The following GIGYF2 variants were observed in gnomAD, a reference collection of about 807,000 sequenced individuals.
The protein encoded by GIGYF2 is GRB10-interacting GYF protein 2.
A neutral mutation model predicts 208.1 loss-of-function variants in GIGYF2; 25 were observed. The ratio of observed to expected loss-of-function variants is 0.12; its 90% CI spans 0.09 to 0.17. The LOEUF (loss-of-function observed/expected upper bound fraction) is 0.17. GIGYF2 is among the 10% of genes least tolerant of loss of function. The pLI, the probability that GIGYF2 is intolerant of heterozygous loss-of-function variation, is 1.00. For missense variants in GIGYF2, 1,302 were observed against 1,579.4 expected (o/e 0.82, Z 2.98); for synonymous variants, 534 against 543.8 (o/e 0.98, Z 0.25).
At chr2:232,765,628 C>T (rs1320406001) in intron 8 of GIGYF2, 1 of 147,994 alleles carries the variant, frequency 6.8e-6, no homozygotes, top group Non-Finnish European at 1.5e-5. Context: ...AGTTCTGGTG[C>T]CCATCTTATG....
chr2:232,796,250 T>C (rs778511153), intron 14 of GIGYF2, 29 bp downstream of exon 14: 22 of 1,388,062 alleles, frequency 1.6e-5, no homozygotes, highest in South Asian at 1.0e-4. Flanking sequence ...CTTTAAATAC[T>C]GAAGTGTGTG....
intron 8 of GIGYF2, among the ~76,000 whole-genome samples, chr2:232,779,306 G>T (rs924030391): frequency 6.6e-6 from 1 of 152,090 alleles, no homozygotes; most frequent in African/African-American, 2.4e-5. Flanking sequence ...ATTAAACAAG[G>T]TACCAAGACC....
chr2:232,816,344 T>G (rs1700910698), intron 19 of GIGYF2, among the ~76,000 whole-genome samples: 1 of 152,228 alleles, frequency 6.6e-6, no homozygotes, highest in Non-Finnish European at 1.5e-5. Flanking sequence ...AATGCATTCT[T>G]ATCCCCTGAG....
chr2:232,857,751 T>C lies in GIGYF2; in HGVS notation c.*891T>C, dbSNP rs371554945. 3.9e-5 allele frequency: 6 copies of C among 152,648 alleles called. No homozygotes were observed. The highest frequency in any genetic ancestry group is 1.9e-4 in the East Asian group (1 of 5,200). The allele number at this position is 152,648 out of a possible 1,614,324, so 9.5% of individuals were successfully genotyped here. ...TGTCTCGTTTAAGAGGCAGCTAGAA[T>C]CTTTACCATATGTATGAATTTGTAT... On this transcript the variant is annotated 3_prime_UTR_variant, in exon 29 of 29. Transcript: ENST00000373563.
chr2:232,816,943 C>T lies in GIGYF2; in HGVS notation c.2281C>T (p.Leu761Phe). ...GGAAGAGCGAAAGAGGCAGGAAGAA[C>T]TCCGAAGACAACAGGAGGAAATTCT... ...EEEERKRQEE[L>F]RRQQEEILRR... is the part of the protein sequence containing the mutation. Residue 761 changes from leucine to phenylalanine, a missense_variant, in exon 20 of 29, where the codon CTC (leucine) becomes TTC (phenylalanine). Around this residue, in one of 8 missense-constraint regions of GIGYF2, gnomAD observed 701 missense variants for 793.0 expected, o/e 0.88. Transcript: ENST00000373563. The T allele has an allele frequency of 6.2e-7, 1 of 1,611,822 alleles. No individual in the cohort carries two copies. The highest frequency in any genetic ancestry group is 8.5e-7 in the Non-Finnish European group (1 of 1,178,036).
chr2:232,777,174 T>C (rs1222801066), intron 8 of GIGYF2, among the ~76,000 whole-genome samples: 1 of 152,186 alleles, frequency 6.6e-6, no homozygotes, highest in Admixed American at 6.5e-5. Flanking sequence ...AATTGTTCTG[T>C]ACCTGATACT....
intron 3 of GIGYF2, 29 bp downstream of exon 3, chr2:232,735,267 A>G (rs758636895): frequency 1.0e-5 from 15 of 1,501,996 alleles, no homozygotes; most frequent in African/African-American, 1.4e-5. Flanking sequence ...ATCTTCTTTG[A>G]TATTGGATGA....
chr2:232,704,558 C>T (rs1044979878), intron 2 of GIGYF2, among the ~76,000 whole-genome samples: 1 of 152,026 alleles, frequency 6.6e-6, no homozygotes, highest in Non-Finnish European at 1.5e-5. Context: ...GTATTCGCCA[C>T]CACACCCAGC....
chr2:232,741,170 C>T (rs1270539947), intron 3 of GIGYF2, among the ~76,000 whole-genome samples: 8 of 152,266 alleles, frequency 5.3e-5, no homozygotes, highest in Admixed American at 3.9e-4. Flanking sequence ...AAACTGATCT[C>T]GTTAGTTTTG....
intron 8 of GIGYF2, chr2:232,776,534 C>G (rs12997534): frequency 1.0e-6 from 1 of 967,464 alleles, no homozygotes; most frequent in Non-Finnish European, 1.6e-6. Context: ...TTTTAATCTA[C>G]AAGTCTAGTT....
At chr2:232,729,574 A>G in intron 2 of GIGYF2, 1 of 1,406,578 alleles carries the variant, frequency 7.1e-7, no homozygotes, top group South Asian at 1.2e-5. Context: ...AGTCTTCAAA[A>G]GCAGTGATCT....
chr2:232,836,338 ATACTTATATATT>A (rs1701626639), intron 22 of GIGYF2, among the ~76,000 whole-genome samples: 3 of 54,300 alleles, frequency 5.5e-5, no homozygotes, highest in African/African-American at 7.0e-5. Context: ...ATACATATAT[ATACTTATATATT>A]TATATATATA....
At position 232,839,864 on chromosome 2, in the gene GIGYF2, A is replaced by G. The variant is rs772219304; in HGVS notation, c.2782A>G (p.Thr928Ala). ...TTTTTGTTAGCTTCCTTCTTCTTCA[A>G]CGTGGGGCCAGCAGTCCAATACAAC... ...LAQMKLPSSS[T>A]WGQQSNTTAC... The change falls in exon 23 of 29, where the codon ACG (threonine) becomes GCG (alanine). Residue 928 changes from threonine to alanine, a missense_variant. Physicochemically the swap from Thr to Ala is moderately conservative, Grantham distance 58 (BLOSUM62 0). Around this residue, in one of 8 missense-constraint regions of GIGYF2, gnomAD observed 701 missense variants for 793.0 expected, o/e 0.88. Transcript: ENST00000373563. The G allele has an allele frequency of 9.3e-6, 15 of 1,613,968 alleles. No individual in the cohort carries two copies. Among genetic ancestry groups the G allele is most frequent in the Middle Eastern group, 1.6e-4 (1 of 6,084 alleles).
intron 5 of GIGYF2, among the ~76,000 whole-genome samples, chr2:232,750,791 C>G (rs962066002): frequency 6.8e-6 from 1 of 147,660 alleles, no homozygotes; most frequent in African/African-American, 2.5e-5. Flanking sequence ...TTTTTGTTTA[C>G]TTATTTAGAT....
chr2:232,772,013 C>CT (rs1414230659), intron 8 of GIGYF2, among the ~76,000 whole-genome samples: 3 of 152,144 alleles, frequency 2.0e-5, no homozygotes, highest in Non-Finnish European at 2.9e-5. Context: ...GAGACAGGGT[C>CT]TTGCTCTGTC....
intron 19 of GIGYF2, 166 bp downstream of exon 19, chr2:232,815,903 CAAAA>C: frequency 2.0e-6 from 1 of 494,080 alleles, no homozygotes; most frequent in Non-Finnish European, 3.6e-6. Flanking sequence ...TCTCTTCTCC[CAAAA>C]AAAAAAAACT....
chr2:232,761,474 TA>T, intron 8 of GIGYF2, 38 bp downstream of exon 8: 1 of 1,305,106 alleles, frequency 7.7e-7, no homozygotes, highest in Non-Finnish European at 1.1e-6. Context: ...ATAAATTTAT[TA>T]AAAATTGACT....
intron 8 of GIGYF2, among the ~76,000 whole-genome samples, chr2:232,783,915 T>C (rs887003963): frequency 6.6e-6 from 1 of 152,202 alleles, no homozygotes; most frequent in African/African-American, 2.4e-5. Flanking sequence ...CTCGAACTTC[T>C]GACCTCAGGT....
chr2:232,825,541 TGTGTCAGCA>T (rs1262125051), intron 21 of GIGYF2, among the ~76,000 whole-genome samples: 1 of 152,184 alleles, frequency 6.6e-6, no homozygotes, highest in Non-Finnish European at 1.5e-5. Context: ...AAAGTTTGAA[TGTGTCAGCA>T]GTTGCTTCTT....
Sources: allele counts gnomAD v4.1 joint callset (sites outside exome capture counted in the v4.1 genomes callset), GRCh38; gene constraint gnomAD v4.1.1; regional missense constraint gnomAD v4.1.1; transcripts MANE v1.5; gene names NCBI Gene and HGNC (gene_info 2026-07-23, HGNC 2026-07-21).